LRRC4C: variants seen among roughly 807,000 people sequenced by gnomAD.
LRRC4C encodes the protein leucine-rich repeat-containing protein 4C.
LRRC4C carries 5 observed loss-of-function variants against 33.6 expected under a neutral mutation model. The observed-to-expected ratio is 0.15, with a 90% CI of 0.08 to 0.31. The LOEUF is 0.31. Ranked by LOEUF, LRRC4C falls within the 10% of genes least tolerant of loss-of-function variation. LRRC4C has a pLI of 1.00. For missense variants in LRRC4C, 560 were observed against 796.7 expected, an observed-to-expected ratio of 0.70 and a Z score of 3.58; for synonymous variants, 329 against 302.0, an observed-to-expected ratio of 1.09 and a Z score of -0.93.
intron 1 of LRRC4C, among the ~76,000 whole-genome samples, chr11:41,070,963 T>C (rs1160870439): frequency 6.6e-6 from 1 of 152,182 alleles, no homozygotes; most frequent in East Asian, 1.9e-4. Context: ...GTATGCTTAT[T>C]ACAGCACTAT....
chr11:41,352,492 TA>T (rs1298193461), intron 1 of LRRC4C, among the ~76,000 whole-genome samples: 3 of 152,084 alleles, frequency 2.0e-5, no homozygotes, highest in Admixed American at 2.0e-4. Context: ...ATTTGGGACT[TA>T]AATCTGACCC....
intron 3 of LRRC4C, among the ~76,000 whole-genome samples, chr11:40,354,984 G>C (rs1416156576): frequency 6.6e-6 from 1 of 152,146 alleles, no homozygotes; most frequent in Non-Finnish European, 1.5e-5. Flanking sequence ...TCTTACCCAA[G>C]GCCCACGGGA....
chr11:41,238,903 C>T (rs1948131184), intron 1 of LRRC4C, among the ~76,000 whole-genome samples: 1 of 152,024 alleles, frequency 6.6e-6, no homozygotes, highest in South Asian at 2.1e-4. Flanking sequence ...AGATTGCTTA[C>T]TGGAATTGAA....
chr11:40,723,660 A>C (rs1038666363), intron 2 of LRRC4C, among the ~76,000 whole-genome samples: 1 of 152,164 alleles, frequency 6.6e-6, no homozygotes, highest in African/African-American at 2.4e-5. Context: ...AAAAACATAC[A>C]TAAGTACATT....
At chr11:40,407,849 A>G (rs1161615091) in intron 3 of LRRC4C, among the ~76,000 whole-genome samples, 1 of 152,106 alleles carries the variant, frequency 6.6e-6, no homozygotes, top group African/African-American at 2.4e-5. Context: ...TTCTATACTT[A>G]TAACTCAGCT....
chr11:40,816,377 C>G (rs1951705740), intron 2 of LRRC4C, among the ~76,000 whole-genome samples: 3 of 152,168 alleles, frequency 2.0e-5, no homozygotes, highest in Admixed American at 1.3e-4. Flanking sequence ...AATGTGAAAA[C>G]CAAAACCAGC....
intron 2 of LRRC4C, among the ~76,000 whole-genome samples, chr11:40,922,278 G>C (rs1053615403): frequency 6.6e-6 from 1 of 151,950 alleles, no homozygotes; most frequent in African/African-American, 2.4e-5. Context: ...GTATTATACT[G>C]TTTAATGAGA....
At chr11:40,404,287 G>A (rs2137572594) in intron 3 of LRRC4C, among the ~76,000 whole-genome samples, 1 of 152,230 alleles carries the variant, frequency 6.6e-6, no homozygotes, top group East Asian at 1.9e-4. Context: ...AGACCAGCAG[G>A]AGGCAACTCA....
intron 3 of LRRC4C, among the ~76,000 whole-genome samples, chr11:40,627,588 C>A (rs909372150): frequency 5.9e-5 from 9 of 152,248 alleles, no homozygotes; most frequent in Middle Eastern, 3.4e-3. Flanking sequence ...CAGGTAGCTG[C>A]ACTTTGATAC....
intron 2 of LRRC4C, among the ~76,000 whole-genome samples, chr11:40,690,053 C>A (rs1157655520): frequency 6.6e-6 from 1 of 152,062 alleles, no homozygotes; most frequent in Non-Finnish European, 1.5e-5. Flanking sequence ...GGACTTGAAG[C>A]CAGTAGAAAG....
intron 1 of LRRC4C, among the ~76,000 whole-genome samples, chr11:41,167,601 C>G (rs1168079354): frequency 1.3e-5 from 2 of 152,172 alleles, no homozygotes; most frequent in African/African-American, 4.8e-5. Flanking sequence ...ACTGGAAACA[C>G]TTTTCTTGCA....
chr11:40,910,111 G>T (rs1484046058), intron 2 of LRRC4C, among the ~76,000 whole-genome samples: 1 of 151,996 alleles, frequency 6.6e-6, no homozygotes, highest in Non-Finnish European at 1.5e-5. Context: ...CAATCTGATA[G>T]GAATATTAAT....
chr11:41,028,390 A>G (rs999897221), intron 1 of LRRC4C, among the ~76,000 whole-genome samples: 11 of 151,638 alleles, frequency 7.3e-5, no homozygotes, highest in African/African-American at 2.2e-4. Context: ...TAATCTGCAA[A>G]TGTATACTCT....
chr11:40,693,898 CTCTGCTATTACTTT>C (rs1055937865), intron 2 of LRRC4C, among the ~76,000 whole-genome samples: 2 of 152,172 alleles, frequency 1.3e-5, no homozygotes, highest in African/African-American at 4.8e-5. Context: ...TCCAGACACA[CTCTGCTATTACTTT>C]TCTGCTATCA....
intron 1 of LRRC4C, among the ~76,000 whole-genome samples, chr11:41,409,380 A>G (rs867759158): frequency 3.9e-5 from 6 of 152,224 alleles, no homozygotes; most frequent in African/African-American, 1.4e-4. Context: ...CTTGGAATAA[A>G]TGATAAAGAA....
intron 4 of LRRC4C, among the ~76,000 whole-genome samples, chr11:40,278,234 C>G (rs1042074744): frequency 6.6e-6 from 1 of 152,120 alleles, no homozygotes; most frequent in African/African-American, 2.4e-5. Context: ...GTTTCCGTCA[C>G]CTTGCCTATG....
chr11:41,139,207 C>A (rs1197701371), intron 1 of LRRC4C, among the ~76,000 whole-genome samples: 1 of 152,052 alleles, frequency 6.6e-6, no homozygotes, highest in African/African-American at 2.4e-5. Flanking sequence ...GGAATAAACT[C>A]TTTTCAGTTA....
chr11:41,381,024 C>T (rs548499923), intron 1 of LRRC4C, among the ~76,000 whole-genome samples: 3 of 152,224 alleles, frequency 2.0e-5, no homozygotes, highest in East Asian at 3.9e-4. Flanking sequence ...TGTAAAACCA[C>T]GCTATCTGCA....
At chr11:40,302,775 T>G (rs775485543) in intron 4 of LRRC4C, among the ~76,000 whole-genome samples, 5 of 152,322 alleles carry the variant, frequency 3.3e-5, no homozygotes, top group Admixed American at 2.6e-4. Context: ...GACACACTTA[T>G]ATTTTTGTAA....
Sources: gnomAD v4.1 joint callset for allele counts (sites outside exome capture counted in the v4.1 genomes callset) on GRCh38, gnomAD v4.1.1 for gene constraint, MANE v1.5 for transcripts, NCBI Gene and HGNC (gene_info 2026-07-23, HGNC 2026-07-21) for gene names.